The following ADARB2 variants were observed in gnomAD, a reference collection of about 807,000 sequenced individuals.
ADARB2 encodes the protein inactive double-stranded RNA-specific editase B2.
Under a neutral mutation model 62.2 loss-of-function variants are expected in ADARB2, and 25 were observed. That is an observed-to-expected ratio of 0.40 (90% CI 0.29 to 0.56). The LOEUF is 0.56. Among genes scored for constraint, ADARB2 ranks in the 20% least tolerant of loss-of-function variants. ADARB2 has a pLI of 0.43. For missense variants in ADARB2, 1,071 were observed against 1,077.4 expected, an observed-to-expected ratio of 0.99 and a Z score of 0.08; for synonymous variants, 572 against 500.8, an observed-to-expected ratio of 1.14 and a Z score of -1.90.
At chr10:1,540,162 T>A (rs1021016441) in intron 1 of ADARB2, among the ~76,000 whole-genome samples, 1 of 152,142 alleles carries the variant, frequency 6.6e-6, no homozygotes, top group Non-Finnish European at 1.5e-5. Flanking sequence ...GAAAACAGGA[T>A]TTTATTTGCA....
chr10:1,659,004 C>T (rs761831318), intron 1 of ADARB2, among the ~76,000 whole-genome samples: 9 of 152,220 alleles, frequency 5.9e-5, no homozygotes, highest in Admixed American at 3.9e-4. Context: ...TTGTGGTTAA[C>T]ATAAGCACTA....
rs116349949 is a variant in ADARB2 at position 1,189,729 on chromosome 10, C to G, written c.1865-4690G>C. ...ACCCAGTCCACCCAGAACACATGGC[C>G]CTACCTCCTTCCCCAGAACACGTGG... On this transcript the variant is annotated intron_variant, in intron 8 of 9. Transcript: ENST00000381312. Among the ~76,000 whole-genome samples, 312 of 150,938 alleles carry G rather than the reference C, an allele frequency of 2.1e-3. 2 individuals are homozygous for G. Among genetic ancestry groups the G allele is most frequent in the African/African-American group, 7.1e-3 (289 of 40,754 alleles).
intron 1 of ADARB2, among the ~76,000 whole-genome samples, chr10:1,629,483 C>A (rs1406095170): frequency 6.6e-6 from 1 of 151,480 alleles, no homozygotes; most frequent in Non-Finnish European, 1.5e-5. Flanking sequence ...CAACCCCGCC[C>A]TGCGCCCAAC....
intron 1 of ADARB2, among the ~76,000 whole-genome samples, chr10:1,694,298 T>C (rs1264790638): frequency 1.3e-5 from 2 of 152,228 alleles, no homozygotes; most frequent in Non-Finnish European, 2.9e-5. Flanking sequence ...AAATAGCAAA[T>C]TGTTTCATAT....
At chr10:1,605,960 G>A (rs1021824152) in intron 1 of ADARB2, among the ~76,000 whole-genome samples, 8 of 151,838 alleles carry the variant, frequency 5.3e-5, no homozygotes, top group Non-Finnish European at 1.0e-4. Flanking sequence ...CAGCTGCACA[G>A]TTCTGGAATT....
chr10:1,454,589 C>T (rs573906012), intron 1 of ADARB2, among the ~76,000 whole-genome samples: 1 of 152,134 alleles, frequency 6.6e-6, no homozygotes, highest in Non-Finnish European at 1.5e-5. Flanking sequence ...AAAGGACAAA[C>T]AATGAACAAT....
Position 1,478,582 on chromosome 10 carries a change from G to A in ADARB2, c.101-99422C>T, listed in dbSNP as rs564066081. Among the ~76,000 whole-genome samples the A allele has an allele frequency of 2.6e-5, 4 of 152,182 alleles. 1 individual carries two copies. The highest frequency in any genetic ancestry group is 9.6e-5 in the African/African-American group (4 of 41,530). ...AATGTCAAAATAAGGACCCTCAGAC[G>A]GGAGAGCACCAAAACAAGGACCCTC... On this transcript the variant is annotated intron_variant, in intron 1 of 9. Coordinates refer to ENST00000381312, the MANE Select transcript of ADARB2 (RefSeq NM_018702.4).
At chr10:1,505,380 T>C (rs1013363529) in intron 1 of ADARB2, among the ~76,000 whole-genome samples, 9 of 147,334 alleles carry the variant, frequency 6.1e-5, no homozygotes, top group African/African-American at 2.2e-4. Context: ...CGGAGGGTTT[T>C]TGTTTTTTTT....
rs983309490 is a variant in ADARB2, at chr10:1,183,124, C to A, written c.*69G>T. 26 of 1,542,196 alleles carry A rather than the reference C, an allele frequency of 1.7e-5. No homozygotes were observed. In the African/African-American group the frequency reaches 3.6e-4, roughly 21 times the overall value. On this transcript the variant is annotated 3_prime_UTR_variant, in exon 10 of 10. Transcript: ENST00000381312. The stretch of plus-strand genomic sequence containing the variant: ...ATGCAGGGAACCGGCCGACCCGCCA[C>A]GTCGCCCCCCAGACACGGTCCCATC...
intron 6 of ADARB2, among the ~76,000 whole-genome samples, chr10:1,220,130 A>G (rs1356779197): frequency 1.1e-5 from 1 of 88,818 alleles, no homozygotes; most frequent in African/African-American, 4.6e-5. Flanking sequence ...ATGATGGTGA[A>G]GATAATGATG....
chr10:1,441,380 G>GTT (rs1344610676), intron 1 of ADARB2, among the ~76,000 whole-genome samples: 1 of 152,234 alleles, frequency 6.6e-6, no homozygotes, highest in East Asian at 1.9e-4. Context: ...AGAAAGAAGA[G>GTT]TTAGTGTGGT....
At chr10:1,601,717 T>TCCC (rs568008528) in intron 1 of ADARB2, among the ~76,000 whole-genome samples, 1 of 152,074 alleles carries the variant, frequency 6.6e-6, no homozygotes, top group African/African-American at 2.4e-5. Context: ...AGCCACCTGC[T>TCCC]CCCCCGAAAG....
intron 1 of ADARB2, among the ~76,000 whole-genome samples, chr10:1,453,545 AC>A (rs1831063026): frequency 1.3e-5 from 2 of 152,284 alleles, no homozygotes; most frequent in Admixed American, 1.3e-4. Flanking sequence ...TGGTCTCGGT[AC>A]CCTTTTCGAA....
rs529271521 is a variant in ADARB2, at chr10:1,367,123, T to C, written c.188-3206A>G. On this transcript the variant is annotated intron_variant, in intron 2 of 9. Coordinates refer to ENST00000381312, the MANE Select transcript of ADARB2 (RefSeq NM_018702.4). ...ATTTCATAGGCACAAAAGATGCCCT[T>C]GAAAATCAGGCACCTTTGCGAGGTA... Among the ~76,000 whole-genome samples, 6 of 152,312 alleles carry C rather than the reference T, an allele frequency of 3.9e-5. No individual in the cohort carries two copies. In the South Asian group the frequency reaches 1.2e-3, roughly 32 times the overall value.
At chr10:1,568,213 G>C (rs1832882736) in intron 1 of ADARB2, among the ~76,000 whole-genome samples, 1 of 152,230 alleles carries the variant, frequency 6.6e-6, no homozygotes, top group South Asian at 2.1e-4. Context: ...GGCTTGGCCA[G>C]GCCTCCGCTG....
intron 1 of ADARB2, among the ~76,000 whole-genome samples, chr10:1,708,445 G>A (rs867037729): frequency 6.6e-6 from 1 of 152,198 alleles, no homozygotes. Flanking sequence ...ATTTTCAATG[G>A]AAAGGGAAGT....
chr10:1,452,764 T>C (rs979226932), intron 1 of ADARB2, among the ~76,000 whole-genome samples: 2 of 151,818 alleles, frequency 1.3e-5, no homozygotes, highest in African/African-American at 4.8e-5. Flanking sequence ...CAAATCTGCA[T>C]GTTCTGCACA....
chr10:1,393,651 C>T (rs991280348), intron 1 of ADARB2, among the ~76,000 whole-genome samples: 1 of 152,184 alleles, frequency 6.6e-6, no homozygotes, highest in Non-Finnish European at 1.5e-5. Context: ...TGTGCACAGT[C>T]TCAAAGACCA....
chr10:1,249,402 A>G (rs1831015391), intron 4 of ADARB2, among the ~76,000 whole-genome samples: 1 of 150,742 alleles, frequency 6.6e-6, no homozygotes, highest in Admixed American at 6.6e-5. Context: ...AGATTGCGCC[A>G]CTGCTCTCCA....
Sources: gnomAD v4.1 joint callset for allele counts (sites outside exome capture counted in the v4.1 genomes callset) on GRCh38, gnomAD v4.1.1 for gene constraint, MANE v1.5 for transcripts, NCBI Gene and HGNC (gene_info 2026-07-23, HGNC 2026-07-21) for gene names.